Variants in ASTN2 observed in about 807,000 individuals in gnomAD.
ASTN2 encodes astrotactin-2.
ASTN2 carries 54 observed loss-of-function variants against 139.8 expected under a neutral mutation model. The observed-to-expected ratio is 0.39, with a 90% CI of 0.31 to 0.48. The LOEUF is 0.48. ASTN2 is among the 20% of genes least tolerant of loss of function. The pLI is 0.95. For synonymous variants in ASTN2, 756 were observed against 719.5 expected (o/e 1.05, Z -0.81); for missense variants, 1,565 against 1,725.1 (o/e 0.91, Z 1.64).
At chr9:117,054,749 A>C (rs1839010113) in intron 5 of ASTN2, among the ~76,000 whole-genome samples, 1 of 152,186 alleles carries the variant, frequency 6.6e-6, no homozygotes, top group South Asian at 2.1e-4. Context: ...GGAACAGCTC[A>C]TAAAATGTCG....
Position 116,928,232 on chromosome 9 carries a change from T to C in ASTN2, c.1889+46976A>G, listed in dbSNP as rs537158145. On this transcript the variant is annotated intron_variant, in intron 10 of 22. Coordinates refer to ENST00000313400, the MANE Select transcript of ASTN2 (RefSeq NM_001365068.1). ...GGTCTACCAGTGTCTATTTTACACA[T>C]GAAAAAACTGAGGCACAGAGAAGGG... Among the ~76,000 whole-genome samples, 23 of 152,234 alleles carry C rather than the reference T, an allele frequency of 1.5e-4. No homozygotes were observed. In the East Asian group the frequency reaches 2.9e-3, roughly 19 times the overall value.
intron 20 of ASTN2, among the ~76,000 whole-genome samples, chr9:116,443,538 C>G (rs1434103116): frequency 2.0e-5 from 3 of 152,056 alleles, no homozygotes; most frequent in Non-Finnish European, 4.4e-5. Flanking sequence ...AGATTCAAGT[C>G]TAATCCAGAG....
intron 4 of ASTN2, among the ~76,000 whole-genome samples, chr9:117,132,694 T>G (rs560721720): frequency 1.3e-5 from 2 of 152,166 alleles, no homozygotes; most frequent in East Asian, 3.9e-4. Flanking sequence ...CTCAGTACAA[T>G]ACAACCTGTG....
chr9:117,118,768 C>T (rs1829468396), intron 4 of ASTN2, among the ~76,000 whole-genome samples: 1 of 152,148 alleles, frequency 6.6e-6, no homozygotes, highest in African/African-American at 2.4e-5. Flanking sequence ...CCACTGAATA[C>T]ATTAACCTTG....
chr9:116,526,339 C>T (rs1473042210), intron 19 of ASTN2, among the ~76,000 whole-genome samples: 8 of 152,128 alleles, frequency 5.3e-5, no homozygotes, highest in African/African-American at 1.2e-4. Context: ...AGACTGGGCA[C>T]GGTGGCTCAT....
chr9:116,969,668 T>C (rs1836127342), intron 10 of ASTN2, among the ~76,000 whole-genome samples: 1 of 152,138 alleles, frequency 6.6e-6, no homozygotes, highest in African/African-American at 2.4e-5. Flanking sequence ...ATTGGCACTC[T>C]GGAGTTTTCA....
At position 116,699,579 on chromosome 9, in the gene ASTN2, C is replaced by T. The variant is rs199664043; in HGVS notation, c.2806+26192G>A. ...GGGTGGGGGCTATAGTGTCCTTATT[C>T]GAGAGGGACTTACCTGTCCGGTGGG... is the stretch of plus-strand genomic sequence containing the variant. On this transcript the variant is annotated intron_variant, in intron 16 of 22. Coordinates refer to ENST00000313400, the MANE Select transcript of ASTN2 (RefSeq NM_001365068.1). This position sits in a 1 kb window ranked among gnomAD's most constrained non-coding sequence, Gnocchi z 4.2. 2.1e-5 allele frequency: 34 copies of T among 1,614,048 alleles called. No homozygotes were observed. The highest frequency in any genetic ancestry group is 2.2e-5 in the East Asian group (1 of 44,874).
At chr9:117,211,430 G>A (rs1832123404) in intron 3 of ASTN2, among the ~76,000 whole-genome samples, 1 of 152,134 alleles carries the variant, frequency 6.6e-6, no homozygotes, top group Non-Finnish European at 1.5e-5. Flanking sequence ...GATAGTGAGT[G>A]AGTTCTCACG....
At chr9:117,286,888 T>C (rs1169879379) in intron 2 of ASTN2, among the ~76,000 whole-genome samples, 1 of 152,236 alleles carries the variant, frequency 6.6e-6, no homozygotes, top group East Asian at 1.9e-4. Flanking sequence ...TTACAGAATG[T>C]CAGGCACTGT....
At chr9:116,540,120 G>T (rs139043101) in intron 19 of ASTN2, among the ~76,000 whole-genome samples, 3 of 152,206 alleles carry the variant, frequency 2.0e-5, no homozygotes, top group African/African-American at 7.2e-5. Flanking sequence ...GTAAAATACT[G>T]GCTGTATTCT....
rs371374987 is a variant in ASTN2, at chr9:117,225,574, T to TATATATATATATATATATATATATATAC, written c.631-10833_631-10832insGTATATATATATATATATATATATATAT. On this transcript the variant is annotated intron_variant, in intron 2 of 22. Coordinates refer to ENST00000313400, the MANE Select transcript of ASTN2 (RefSeq NM_001365068.1). Reference sequence around the variant, plus strand: ...ATATATATATATATATATATATATATACAGATGAACCCAAGTGGCCAGAGA... The same window carrying TATATATATATATATATATATATATATAC: ...ATATATATATATATATATATATATATATATATATATATATATATATATATATACACAGATGAACCCAAGTGGCCAGAGA... Among the ~76,000 whole-genome samples the TATATATATATATATATATATATATATAC allele has an allele frequency of 6.3e-4, 49 of 77,894 alleles. 1 individual carries two copies. The highest frequency in any genetic ancestry group is 1.2e-3 in the Admixed American group (7 of 5,988). The allele number at this position is 77,894 out of a possible 152,430, so 51.1% of individuals were successfully genotyped here. A position where few individuals can be genotyped will look rare whatever the true frequency, so the allele number is the denominator to read the frequency against.
At chr9:116,728,944 G>A in intron 15 of ASTN2, 48 bp downstream of exon 15, 1 of 1,490,064 alleles carries the variant, frequency 6.7e-7, no homozygotes, top group Non-Finnish European at 9.2e-7. Flanking sequence ...TTGGCAACAA[G>A]TGCTAAATTA....
intron 5 of ASTN2, among the ~76,000 whole-genome samples, chr9:117,043,737 G>A (rs1283980879): frequency 6.6e-6 from 1 of 151,812 alleles, no homozygotes; most frequent in South Asian, 2.1e-4. Flanking sequence ...GCAAAACCCC[G>A]TCTCTACTAA....
chr9:117,361,566 G>A (rs1303926722), intron 1 of ASTN2, among the ~76,000 whole-genome samples: 1 of 152,156 alleles, frequency 6.6e-6, no homozygotes, highest in Non-Finnish European at 1.5e-5. Context: ...TGAAAAGCAG[G>A]CAAACTAAAC....
chr9:116,835,916 A>G (rs1831976125), intron 11 of ASTN2, among the ~76,000 whole-genome samples: 1 of 152,154 alleles, frequency 6.6e-6, no homozygotes, highest in Non-Finnish European at 1.5e-5. Context: ...CCTCCTGAAT[A>G]GCTGGGATTA....
At chr9:116,762,214 T>G (rs1462829388) in intron 13 of ASTN2, among the ~76,000 whole-genome samples, 1 of 152,230 alleles carries the variant, frequency 6.6e-6, no homozygotes, top group Non-Finnish European at 1.5e-5. Context: ...TTCTTATAGC[T>G]GATATTCAGA....
At chr9:116,515,720 C>T (rs1444889042) in intron 19 of ASTN2, among the ~76,000 whole-genome samples, 4 of 152,202 alleles carry the variant, frequency 2.6e-5, no homozygotes, top group African/African-American at 7.2e-5. Flanking sequence ...GTGGCTCCTA[C>T]ATGCAGGCTG....
At chr9:117,088,696 C>T (rs1470732488) in intron 5 of ASTN2, among the ~76,000 whole-genome samples, 1 of 152,236 alleles carries the variant, frequency 6.6e-6, no homozygotes, top group African/African-American at 2.4e-5. Flanking sequence ...TGCTCTGGTT[C>T]TCTCTGCTGG....
intron 19 of ASTN2, among the ~76,000 whole-genome samples, chr9:116,595,510 A>G (rs1166415595): frequency 6.6e-6 from 1 of 152,236 alleles, no homozygotes; most frequent in African/African-American, 2.4e-5. Context: ...AATTTTCAGT[A>G]GAGACGGGGT....
Sources: gnomAD v4.1 joint callset for allele counts (sites outside exome capture counted in the v4.1 genomes callset) on GRCh38, gnomAD v4.1.1 for gene constraint, Gnocchi (gnomAD v3.1) non-coding constraint, MANE v1.5 for transcripts, NCBI Gene and HGNC (gene_info 2026-07-23, HGNC 2026-07-21) for gene names.